GPC6: variants seen among roughly 807,000 people sequenced by gnomAD.
GPC6 encodes the protein glypican-6.
A neutral mutation model predicts 55.2 loss-of-function variants in GPC6; 14 were observed. That is an observed-to-expected ratio of 0.25 (90% CI 0.17 to 0.40). The LOEUF is 0.40. Among genes scored for constraint, GPC6 ranks in the 10% least tolerant of loss-of-function variants. GPC6 has a pLI of 1.00. For missense variants in GPC6, 641 were observed against 708.5 expected (o/e 0.90, Z 1.08); for synonymous variants, 278 against 259.6 (o/e 1.07, Z -0.68).
intron 4 of GPC6, among the ~76,000 whole-genome samples, chr13:94,036,606 A>G (rs1253958232): frequency 6.6e-6 from 1 of 152,010 alleles, no homozygotes; most frequent in Non-Finnish European, 1.5e-5. Flanking sequence ...AGGGCCTAAT[A>G]ATTCTACTGG....
At position 93,790,515 on chromosome 13, in the gene GPC6, A is replaced by G. The variant is rs1049946776; in HGVS notation, c.320-39639A>G. On this transcript the variant is annotated intron_variant, in intron 2 of 8. Coordinates refer to ENST00000377047, the MANE Select transcript of GPC6 (RefSeq NM_005708.5). ...TGGTAACATGAGGAAAAGCTCTTGC[A>G]TTCAGAACCAATTCTCTCTTTTGAG... 7.9e-5 allele frequency among the ~76,000 whole-genome samples: 12 copies of G among 152,330 alleles called. No individual in the cohort carries two copies. In the East Asian group the frequency reaches 1.9e-3, roughly 24 times the overall value.
chr13:93,321,299 T>C (rs533895589), intron 1 of GPC6, among the ~76,000 whole-genome samples: 92 of 152,286 alleles, frequency 6.0e-4, no homozygotes, highest in African/African-American at 2.1e-3. Flanking sequence ...GGGTGCCTGA[T>C]TTATTAGGCA....
intron 1 of GPC6, among the ~76,000 whole-genome samples, chr13:93,333,848 A>G (rs956604566): frequency 9.2e-5 from 14 of 152,238 alleles, no homozygotes; most frequent in African/African-American, 3.4e-4. Context: ...ACCAAACGCT[A>G]CTGATTTTTC....
chr13:93,372,995 A>C (rs1874739009), intron 1 of GPC6, among the ~76,000 whole-genome samples: 1 of 152,168 alleles, frequency 6.6e-6, no homozygotes, highest in African/African-American at 2.4e-5. Flanking sequence ...TCTTTCCTTC[A>C]GCACTGTCAT....
At chr13:94,079,493 T>C (rs1175701400) in intron 4 of GPC6, among the ~76,000 whole-genome samples, 2 of 152,174 alleles carry the variant, frequency 1.3e-5, no homozygotes, top group Admixed American at 6.5e-5. Context: ...TGTAGAGTCA[T>C]TGGGGTCTCT....
chr13:93,891,512 T>A (rs1256687241), intron 3 of GPC6, among the ~76,000 whole-genome samples: 1 of 152,174 alleles, frequency 6.6e-6, no homozygotes, highest in Non-Finnish European at 1.5e-5. Context: ...AACACAGCTC[T>A]GGTCACCAGC....
chr13:94,003,598 TG>T, intron 3 of GPC6, among the ~76,000 whole-genome samples: 2 of 152,214 alleles, frequency 1.3e-5, no homozygotes, highest in Non-Finnish European at 2.9e-5. Context: ...AGCTTATGCT[TG>T]TTAGGCATTT....
intron 2 of GPC6, among the ~76,000 whole-genome samples, chr13:93,599,301 A>T (rs1440489183): frequency 6.6e-6 from 1 of 150,644 alleles, no homozygotes; most frequent in African/African-American, 2.4e-5. Context: ...AAAAAAAAAA[A>T]GAGACATCAG....
At chr13:93,556,575 C>T (rs1338128629) in intron 2 of GPC6, among the ~76,000 whole-genome samples, 1 of 151,504 alleles carries the variant, frequency 6.6e-6, no homozygotes, top group Non-Finnish European at 1.5e-5. Context: ...TTAAAATATA[C>T]AGTTAAGTTA....
chr13:93,736,326 G>A (rs1052855320), intron 2 of GPC6, among the ~76,000 whole-genome samples: 1 of 152,150 alleles, frequency 6.6e-6, no homozygotes, highest in Non-Finnish European at 1.5e-5. Context: ...ATGTGTGACA[G>A]CACACTGACA....
intron 1 of GPC6, among the ~76,000 whole-genome samples, chr13:93,279,041 T>G (rs1877858942): frequency 6.6e-6 from 1 of 152,242 alleles, no homozygotes; most frequent in Non-Finnish European, 1.5e-5. Flanking sequence ...AAGCTGCCTA[T>G]TATTAAGGAC....
At chr13:93,458,864 C>T (rs531744151) in intron 1 of GPC6, among the ~76,000 whole-genome samples, 11 of 152,048 alleles carry the variant, frequency 7.2e-5, no homozygotes, top group East Asian at 3.9e-4. Context: ...TTGCACAGGG[C>T]GCATGATTTG....
chr13:93,749,005 A>C (rs1884492415), intron 2 of GPC6, among the ~76,000 whole-genome samples: 1 of 151,988 alleles, frequency 6.6e-6, no homozygotes, highest in Non-Finnish European at 1.5e-5. Flanking sequence ...AGTTGGATTC[A>C]GTTTCTTATT....
chr13:93,514,249 G>T (rs1485342472), intron 1 of GPC6, among the ~76,000 whole-genome samples: 1 of 152,066 alleles, frequency 6.6e-6, no homozygotes, highest in Non-Finnish European at 1.5e-5. Context: ...CGTCTGTGTG[G>T]CAGGAGGGAA....
At chr13:93,666,842 G>A (rs924059184) in intron 2 of GPC6, among the ~76,000 whole-genome samples, 3 of 152,000 alleles carry the variant, frequency 2.0e-5, no homozygotes, top group Admixed American at 6.6e-5. Context: ...AGCACATTAT[G>A]GTTTATGCTG....
intron 2 of GPC6, among the ~76,000 whole-genome samples, chr13:93,634,679 G>A (rs1484894274): frequency 6.6e-6 from 1 of 152,084 alleles, no homozygotes; most frequent in Non-Finnish European, 1.5e-5. Context: ...GTTTCTAGAA[G>A]CATGAAGGAG....
chr13:93,540,041 A>G (rs1566412152), intron 1 of GPC6, among the ~76,000 whole-genome samples: 1 of 152,142 alleles, frequency 6.6e-6, no homozygotes, highest in Non-Finnish European at 1.5e-5. Context: ...TGCTTAGACG[A>G]AACTATGAAG....
chr13:94,362,515 A>G (rs896247069), intron 6 of GPC6, among the ~76,000 whole-genome samples: 3 of 152,108 alleles, frequency 2.0e-5, no homozygotes, highest in African/African-American at 4.8e-5. Context: ...AACAATCTAC[A>G]GTTTTATTCT....
chr13:93,989,178 C>T (rs1265153181), intron 3 of GPC6, among the ~76,000 whole-genome samples: 1 of 152,130 alleles, frequency 6.6e-6, no homozygotes, highest in Non-Finnish European at 1.5e-5. Context: ...CATGTGATGC[C>T]TTCTCTCCTC....
Sources: gnomAD v4.1 joint callset for allele counts (sites outside exome capture counted in the v4.1 genomes callset) on GRCh38, gnomAD v4.1.1 for gene constraint, MANE v1.5 for transcripts, NCBI Gene and HGNC (gene_info 2026-07-23, HGNC 2026-07-21) for gene names.